Variants in DTNB observed in about 807,000 individuals in gnomAD.
DTNB encodes the protein dystrobrevin beta, also known as DTN-B.
DTNB carries 63 observed loss-of-function variants against 90.7 expected under a neutral mutation model. The observed-to-expected ratio is 0.69, with a 90% confidence interval of 0.57 to 0.86. DTNB has a LOEUF of 0.86. DTNB is among the 40% of genes least tolerant of loss of function. DTNB has a pLI of 0.00. For synonymous variants in DTNB, 277 were observed against 286.7 expected (o/e 0.97, Z 0.34); for missense variants, 744 against 807.1 (o/e 0.92, Z 0.95).
chr2:25,612,841 T>A (rs1486138207), intron 4 of DTNB, among the ~76,000 whole-genome samples: 1 of 152,132 alleles, frequency 6.6e-6, no homozygotes, highest in South Asian at 2.1e-4. Context: ...GACTACTCCT[T>A]GAAAAACACA....
chr2:25,650,526 C>T (rs1486113856), intron 2 of DTNB, among the ~76,000 whole-genome samples: 5 of 152,130 alleles, frequency 3.3e-5, no homozygotes, highest in Admixed American at 6.5e-5. Flanking sequence ...GGAAGTAACA[C>T]GCAAGGCATG....
chr2:25,457,927 G>A (rs1434901001), intron 10 of DTNB, among the ~76,000 whole-genome samples: 1 of 151,988 alleles, frequency 6.6e-6, no homozygotes, highest in African/African-American at 2.4e-5. Flanking sequence ...TCTGCCTCCC[G>A]GGTTCAAGCC....
At chr2:25,623,561 C>G (rs959031526) in intron 4 of DTNB, among the ~76,000 whole-genome samples, 2 of 152,138 alleles carry the variant, frequency 1.3e-5, no homozygotes, top group African/African-American at 4.8e-5. Flanking sequence ...CTCACATGTA[C>G]TGATTAAGAA....
chr2:25,512,813 A>G (rs1049642304), intron 9 of DTNB, among the ~76,000 whole-genome samples: 7 of 152,194 alleles, frequency 4.6e-5, no homozygotes, highest in Non-Finnish European at 8.8e-5. Flanking sequence ...AGGGCAATAA[A>G]GTTTTAAAGG....
intron 12 of DTNB, among the ~76,000 whole-genome samples, chr2:25,442,597 G>A (rs1445634481): frequency 6.6e-6 from 1 of 152,130 alleles, no homozygotes. Context: ...GCACATTTTT[G>A]TTGTTTTAAG....
intron 8 of DTNB, among the ~76,000 whole-genome samples, chr2:25,569,958 G>A (rs1485331318): frequency 1.7e-4 from 26 of 151,950 alleles, no homozygotes; most frequent in Admixed American, 5.2e-4. Flanking sequence ...TCAGCCGAGC[G>A]TGGTGGCGGG....
chr2:25,667,640 T>C (rs1385153526), intron 1 of DTNB, among the ~76,000 whole-genome samples: 1 of 152,146 alleles, frequency 6.6e-6, no homozygotes. Context: ...ACATTTAGGG[T>C]ACTTGGACAT....
intron 16 of DTNB, among the ~76,000 whole-genome samples, chr2:25,413,440 G>A (rs1356671622): frequency 4.5e-5 from 5 of 110,712 alleles, no homozygotes; most frequent in South Asian, 5.6e-4. Flanking sequence ...GACAGGCCCC[G>A]GTGTGTGATG....
At position 25,673,384 on chromosome 2, in the gene DTNB, A is replaced by G. The variant is rs1574341879; in HGVS notation, c.-2+2T>C. On this transcript the variant is annotated splice_donor_variant, in intron 1 of 20. Coordinates refer to ENST00000406818, the MANE Select transcript of DTNB (RefSeq NM_021907.5). LOFTEE classifies it low-confidence loss of function (5UTR_SPLICE). ...GCCCCGGCGGCGGCCGCAGACCCCC[A>G]CCTTGCTCACTTCCCCGCCGGAGCA... The G allele has an allele frequency of 6.7e-6, 1 of 149,372 alleles. No individual in the cohort carries two copies. The highest frequency in any genetic ancestry group is 2.5e-5 in the African/African-American group (1 of 40,784). The allele number at this position is 149,372 out of a possible 1,614,324, so 9.3% of individuals were successfully genotyped here.
chr2:25,486,211 C>T (rs2066094878), intron 9 of DTNB, among the ~76,000 whole-genome samples: 1 of 152,224 alleles, frequency 6.6e-6, no homozygotes, highest in African/African-American at 2.4e-5. Flanking sequence ...GTCTATAAAA[C>T]TAGCACTTTG....
chr2:25,625,467 T>C (rs2073906195), intron 4 of DTNB, among the ~76,000 whole-genome samples: 1 of 151,942 alleles, frequency 6.6e-6, no homozygotes, highest in Non-Finnish European at 1.5e-5. Flanking sequence ...TCTGATACCA[T>C]GGTCTATGTT....
intron 12 of DTNB, among the ~76,000 whole-genome samples, chr2:25,447,838 AG>A (rs1188219747): frequency 6.6e-5 from 10 of 152,140 alleles, no homozygotes; most frequent in Non-Finnish European, 1.0e-4. Context: ...ATATTCACCA[AG>A]GGTATAATGC....
intron 3 of DTNB, 104 bp downstream of exon 3, chr2:25,638,908 CAA>C (rs1214235373): frequency 8.6e-7 from 1 of 1,162,850 alleles, no homozygotes; most frequent in East Asian, 2.7e-5. Flanking sequence ...ATACTTAAGA[CAA>C]AAATAATTCA....
intron 4 of DTNB, among the ~76,000 whole-genome samples, chr2:25,611,179 C>T (rs1026459734): frequency 1.3e-5 from 2 of 152,200 alleles, no homozygotes; most frequent in Admixed American, 6.5e-5. Context: ...TCCTGCTATG[C>T]AGCATTCTGT....
intron 3 of DTNB, among the ~76,000 whole-genome samples, chr2:25,635,053 T>TA (rs1213288403): frequency 1.4e-4 from 11 of 77,516 alleles, no homozygotes; most frequent in East Asian, 5.7e-4. Flanking sequence ...GAATGATCAA[T>TA]AAAAAAAAAT....
intron 4 of DTNB, among the ~76,000 whole-genome samples, chr2:25,626,458 T>G (rs2074175977): frequency 6.6e-6 from 1 of 152,142 alleles, no homozygotes; most frequent in Non-Finnish European, 1.5e-5. Context: ...ACTTACACAC[T>G]CTTATTTTTA....
intron 2 of DTNB, among the ~76,000 whole-genome samples, chr2:25,651,979 C>T (rs2081027048): frequency 6.6e-6 from 1 of 152,148 alleles, no homozygotes; most frequent in Admixed American, 6.6e-5. Context: ...CAAATGCAAC[C>T]TTGAGTTGGT....
At chr2:25,548,559 C>G (rs768462192) in intron 8 of DTNB, among the ~76,000 whole-genome samples, 1 of 151,922 alleles carries the variant, frequency 6.6e-6, no homozygotes. Flanking sequence ...AGAGCAAGTG[C>G]GAGGCCCTAA....
At chr2:25,603,773 G>A (rs906153177) in intron 5 of DTNB, among the ~76,000 whole-genome samples, 1 of 152,166 alleles carries the variant, frequency 6.6e-6, no homozygotes, top group Admixed American at 6.5e-5. Flanking sequence ...AAGGAGGTTG[G>A]AGCAAACAAG....
Sources: gnomAD v4.1 joint callset for allele counts (sites outside exome capture counted in the v4.1 genomes callset) on GRCh38, gnomAD v4.1.1 for gene constraint, MANE v1.5 for transcripts, NCBI Gene and HGNC (gene_info 2026-07-23, HGNC 2026-07-21) for gene names.